ABLIM2: variants seen among roughly 807,000 people sequenced by gnomAD.
The protein encoded by ABLIM2 is actin-binding LIM protein 2.
In ABLIM2, 53 loss-of-function variants were observed where a neutral mutation model predicts 97.7. The ratio of observed to expected loss-of-function variants is 0.54; its 90% CI spans 0.44 to 0.68. The LOEUF is 0.68. Among genes scored for constraint, ABLIM2 ranks in the 30% least tolerant of loss-of-function variants. The probability of loss-of-function intolerance (pLI) is 0.00; values close to 1 mark genes in which losing one functional copy is unlikely to be tolerated. For missense variants in ABLIM2, 835 were observed against 867.2 expected, an observed-to-expected ratio of 0.96 and a Z score of 0.47; for synonymous variants, 361 against 345.8, an observed-to-expected ratio of 1.04 and a Z score of -0.49.
At chr4:8,134,417 C>T (rs948599526) in intron 1 of ABLIM2, among the ~76,000 whole-genome samples, 1 of 152,180 alleles carries the variant, frequency 6.6e-6, no homozygotes, top group Non-Finnish European at 1.5e-5. Context: ...TCTCCTGCTG[C>T]CCCTCCCTCT....
intron 17 of ABLIM2, 89 bp from the exon 18 acceptor site, chr4:7,984,982 G>A: frequency 1.4e-6 from 2 of 1,410,888 alleles, no homozygotes; most frequent in Non-Finnish European, 9.8e-7. Flanking sequence ...GCCCCTTGGA[G>A]GCCGAGGTCC....
chr4:8,028,119 C>A (rs1778606828), intron 11 of ABLIM2, among the ~76,000 whole-genome samples: 1 of 152,226 alleles, frequency 6.6e-6, no homozygotes, highest in South Asian at 2.1e-4. Flanking sequence ...GGGGGTTAGG[C>A]CCCTAGCCAG....
chr4:8,089,923 A>G (rs1207324132), intron 3 of ABLIM2, among the ~76,000 whole-genome samples: 2 of 152,122 alleles, frequency 1.3e-5, no homozygotes, highest in African/African-American at 4.8e-5. Context: ...GCCTCCCACC[A>G]GGGCCTGCCA....
intron 6 of ABLIM2, among the ~76,000 whole-genome samples, chr4:8,073,422 C>T (rs1003971526): frequency 9.9e-5 from 15 of 151,778 alleles, no homozygotes; most frequent in African/African-American, 1.7e-4. Flanking sequence ...AGAACGGAAA[C>T]GTGGCTTTGG....
intron 1 of ABLIM2, among the ~76,000 whole-genome samples, chr4:8,110,759 G>C (rs1237704489): frequency 6.6e-6 from 1 of 152,188 alleles, no homozygotes; most frequent in African/African-American, 2.4e-5. Context: ...GAGGCGTCCG[G>C]GGGCTGCAGG....
At chr4:8,062,936 C>T (rs1804335630) in intron 6 of ABLIM2, among the ~76,000 whole-genome samples, 1 of 152,220 alleles carries the variant, frequency 6.6e-6, no homozygotes, top group Admixed American at 6.5e-5. Context: ...ACACTGACTT[C>T]CTCTAACAGC....
chr4:8,127,454 G>A lies in ABLIM2; in HGVS notation c.11-20817C>T. On this transcript the variant is annotated intron_variant, in intron 1 of 20. Coordinates refer to ENST00000447017, the MANE Select transcript of ABLIM2 (RefSeq NM_001130083.2). This position sits in a 1 kb window ranked among gnomAD's most constrained non-coding sequence, Gnocchi z 7.3. ...CACCAGACCCCTGAAGCTGATTCATGGAGCTCACAGCTCCCAGTCCCCTGA... is the reference window on the plus strand; with the variant it reads ...CACCAGACCCCTGAAGCTGATTCATAGAGCTCACAGCTCCCAGTCCCCTGA... The A allele has an allele frequency of 7.9e-6, 10 of 1,267,650 alleles. No homozygotes were observed. Among genetic ancestry groups the A allele is most frequent in the Non-Finnish European group, 1.0e-5 (10 of 970,842 alleles). The allele number at this position is 1,267,650 out of a possible 1,614,324, so 78.5% of individuals were successfully genotyped here.
chr4:8,107,553 C>T (rs1181939650), intron 1 of ABLIM2, among the ~76,000 whole-genome samples: 1 of 152,180 alleles, frequency 6.6e-6, no homozygotes, highest in African/African-American at 2.4e-5. Context: ...AGGACCCGGG[C>T]AGGACCCAGC....
chr4:8,032,464 CG>C lies in ABLIM2; in HGVS notation c.1048-2689del, dbSNP rs1781568974. Among the ~76,000 whole-genome samples the C allele has an allele frequency of 6.6e-6, 1 of 152,134 alleles. No individual in the cohort carries two copies. The highest frequency in any genetic ancestry group is 2.4e-5 in the African/African-American group (1 of 41,436). The stretch of plus-strand genomic sequence containing the variant: ...GACATATCGGGGAGGCATGCAAGTG[CG>C]GGGTGATCATAAAAATAACCAGCAG... On this transcript the variant is annotated intron_variant, in intron 10 of 20. Coordinates refer to ENST00000447017, the MANE Select transcript of ABLIM2 (RefSeq NM_001130083.2). This position sits in a 1 kb window ranked among gnomAD's most constrained non-coding sequence, Gnocchi z 4.3.
intron 17 of ABLIM2, among the ~76,000 whole-genome samples, chr4:7,985,930 T>A (rs939019477): frequency 1.3e-5 from 2 of 152,136 alleles, no homozygotes; most frequent in East Asian, 1.9e-4. Flanking sequence ...CCCACAGGGG[T>A]CGGGCAGTCC....
chr4:7,985,545 G>C (rs770516661), intron 17 of ABLIM2, among the ~76,000 whole-genome samples: 4 of 152,174 alleles, frequency 2.6e-5, no homozygotes, highest in Non-Finnish European at 5.9e-5. Flanking sequence ...CACCCCAAAT[G>C]CTCCAAAATG....
intron 16 of ABLIM2, among the ~76,000 whole-genome samples, chr4:7,995,782 G>C (rs539679852): frequency 6.6e-6 from 1 of 152,232 alleles, no homozygotes; most frequent in African/African-American, 2.4e-5. Flanking sequence ...CGAGGAGCTG[G>C]GAAGACAGAC....
intron 3 of ABLIM2, among the ~76,000 whole-genome samples, chr4:8,096,794 G>T (rs780084482): frequency 7.2e-5 from 11 of 152,324 alleles, no homozygotes; most frequent in African/African-American, 2.6e-4. Context: ...AGCGGGGCCG[G>T]TGCAGTCCTG....
chr4:8,156,442 A>G (rs1051871706), intron 1 of ABLIM2, among the ~76,000 whole-genome samples: 11 of 152,332 alleles, frequency 7.2e-5, no homozygotes, highest in African/African-American at 2.6e-4. Context: ...GCCATGTGCT[A>G]TATAAACAAT....
intron 1 of ABLIM2, among the ~76,000 whole-genome samples, chr4:8,109,995 A>G (rs2152781776): frequency 6.6e-6 from 1 of 152,354 alleles, no homozygotes; most frequent in Non-Finnish European, 1.5e-5. Context: ...TGGGGAGGGT[A>G]CAGCAGGTGA....
chr4:7,974,558 C>T (rs1731324045), intron 20 of ABLIM2, among the ~76,000 whole-genome samples: 1 of 142,940 alleles, frequency 7.0e-6, no homozygotes, highest in African/African-American at 2.6e-5. Flanking sequence ...CACCTAACCG[C>T]CTACCCATCC....
chr4:8,034,453 T>C (rs1331714155), intron 10 of ABLIM2, among the ~76,000 whole-genome samples: 2 of 110,160 alleles, frequency 1.8e-5, no homozygotes, highest in Admixed American at 9.7e-5. Context: ...GGAGGGTGTG[T>C]GGTAGGTAGG....
At position 8,022,058 on chromosome 4, in the gene ABLIM2, C is replaced by G. The variant is rs907306777; in HGVS notation, c.1268-1755G>C. 6.6e-6 allele frequency among the ~76,000 whole-genome samples: 1 copy of G among 152,182 alleles called. No individual in the cohort carries two copies. The highest frequency in any genetic ancestry group is 2.4e-5 in the African/African-American group (1 of 41,442). ...ACTCACGTGCCCGGAAAGGACACCG[C>G]GGATCCCTCCTACCGACTACGGCTG... On this transcript the variant is annotated intron_variant, in intron 12 of 20. Transcript: ENST00000447017. The surrounding 1 kb of genome is among the most constrained non-coding windows in gnomAD (Gnocchi z 7.8).
chr4:8,016,085 C>T (rs1768999323), intron 14 of ABLIM2, among the ~76,000 whole-genome samples: 1 of 128,530 alleles, frequency 7.8e-6, no homozygotes, highest in Admixed American at 9.2e-5. Context: ...CACTCTGTCG[C>T]CCAGGCTGGA....
Sources: allele counts gnomAD v4.1 joint callset (sites outside exome capture counted in the v4.1 genomes callset), GRCh38; gene constraint gnomAD v4.1.1; non-coding constraint Gnocchi (gnomAD v3.1); transcripts MANE v1.5; gene names NCBI Gene and HGNC (gene_info 2026-07-23, HGNC 2026-07-21).